The following PARP16 variants were observed in gnomAD, a reference collection of about 807,000 sequenced individuals.
The protein encoded by PARP16 is protein mono-ADP-ribosyltransferase PARP16.
Under a neutral mutation model 35.0 loss-of-function variants are expected in PARP16, and 31 were observed. The observed-to-expected ratio is 0.88, with a 90% CI of 0.66 to 1.19. The LOEUF (loss-of-function observed/expected upper bound fraction) is 1.19. Among genes scored for constraint, PARP16 ranks in the 50% most tolerant of loss-of-function variants. The pLI is 0.00. For missense variants in PARP16, 424 were observed against 411.2 expected (o/e 1.03, Z -0.27); for synonymous variants, 162 against 169.5 (o/e 0.96, Z 0.34).
chr15:65,246,419 T>G (rs991635168), intron 3 of PARP16, among the ~76,000 whole-genome samples: 2 of 152,130 alleles, frequency 1.3e-5, no homozygotes, highest in African/African-American at 4.8e-5. Flanking sequence ...GCTCTATGAT[T>G]CTCAGCCACC....
intron 2 of PARP16, among the ~76,000 whole-genome samples, chr15:65,248,736 G>A (rs917562490): frequency 1.3e-5 from 2 of 152,168 alleles, no homozygotes; most frequent in African/African-American, 2.4e-5. Flanking sequence ...TCCTGTCTGC[G>A]GCCAGAGGGG....
rs528001714 is a variant in PARP16, at chr15:65,280,308, G to A, written c.174+5945C>T. 7.2e-5 allele frequency among the ~76,000 whole-genome samples: 11 copies of A among 151,882 alleles called. No individual in the cohort carries two copies. The South Asian group carries it at 1.9e-3, about 26-fold the overall frequency. On this transcript the variant is annotated intron_variant, in intron 1 of 5. Coordinates refer to ENST00000649807, the MANE Select transcript of PARP16 (RefSeq NM_001316943.2). ...AAAAATTAGCCAGGCTTAGTGGTAT[G>A]TGCGTGGAGTCCCAGCTACACGGGA...
chr15:65,235,308 C>G (rs1049269310), intron 3 of PARP16, among the ~76,000 whole-genome samples: 4 of 149,886 alleles, frequency 2.7e-5, no homozygotes, highest in African/African-American at 9.8e-5. Context: ...CTCCGTCCCC[C>G]CCAAAAAAAA....
At chr15:65,262,515 G>A (rs780972354) in intron 4 of PARP16, among the ~76,000 whole-genome samples, 3 of 152,198 alleles carry the variant, frequency 2.0e-5, no homozygotes, top group Non-Finnish European at 4.4e-5. Context: ...GGTGGGGGGA[G>A]ACAAGGCAAA....
At position 65,286,459 on chromosome 15, in the gene PARP16, G is replaced by T. The variant is rs1382350087; in HGVS notation, c.-33C>A. The T allele has an allele frequency of 2.8e-6, 4 of 1,430,822 alleles. No homozygotes were observed. The African/African-American group carries it at 4.5e-5, about 16-fold the overall frequency. 88.6% of individuals were successfully genotyped at this position (1,430,822 alleles called of 1,614,324 possible). On this transcript the variant is annotated 5_prime_UTR_variant, in exon 1 of 6. Coordinates refer to ENST00000649807, the MANE Select transcript of PARP16 (RefSeq NM_001316943.2). ...CACTGCGCGTTGCCGGGGTAGACGC[G>T]CTGGTTAGGGGCAAGGGCGAGCGTG...
chr15:65,256,698 C>T (rs747835554), downstream of PARP16, among the ~76,000 whole-genome samples: 10 of 152,208 alleles, frequency 6.6e-5, no homozygotes, highest in Non-Finnish European at 1.3e-4. Flanking sequence ...TGAGCCACCG[C>T]GCCCGGCCGC....
intron 2 of PARP16, among the ~76,000 whole-genome samples, chr15:65,269,652 G>C (rs2090031580): frequency 6.6e-6 from 1 of 152,186 alleles, no homozygotes; most frequent in Non-Finnish European, 1.5e-5. Context: ...TCATTCTGAA[G>C]TCAAGGCCAT....
At chr15:65,274,282 C>G (rs983162813) in intron 1 of PARP16, among the ~76,000 whole-genome samples, 10 of 150,598 alleles carry the variant, frequency 6.6e-5, no homozygotes, top group Admixed American at 1.3e-4. Context: ...TGTGTGAGCC[C>G]GGGCATGGTG....
In PARP16 at chr15:65,286,414, C is replaced by T. The variant is rs1208711885; in HGVS notation, c.13G>A (p.Gly5Ser). Residue 5 changes from glycine (G) to serine (S), a missense_variant, in exon 1 of 6, where the codon GGC becomes AGC. Coordinates refer to ENST00000649807, the MANE Select transcript of PARP16 (RefSeq NM_001316943.2). MQPS[G>S]WAAAREAAGR... ...GCCGCCTCCCTGGCGGCCGCCCAGC[C>T]TGAGGGCTGCATCCCAGGTCACTGC... 2 of 1,532,332 alleles carry T rather than the reference C, an allele frequency of 1.3e-6. No homozygotes were observed. The highest frequency in any genetic ancestry group is 2.5e-5 in the East Asian group (1 of 40,066). 94.9% of individuals were successfully genotyped at this position (1,532,332 alleles called of 1,614,324 possible).
chr15:65,273,177 C>G (rs910352804), intron 1 of PARP16, among the ~76,000 whole-genome samples: 2 of 147,374 alleles, frequency 1.4e-5, no homozygotes, highest in African/African-American at 5.0e-5. Flanking sequence ...ACTCGGGAGG[C>G]CAAGGTAAAA....
Position 65,259,494 on chromosome 15 carries a change from C to G in PARP16, c.882G>C (p.Met294Ile). The G allele has an allele frequency of 6.2e-7, 1 of 1,613,830 alleles. No individual in the cohort carries two copies. Among genetic ancestry groups the G allele is most frequent in the Non-Finnish European group, 8.5e-7 (1 of 1,179,698 alleles). ...GCAGCAGCAGCAGATACAGGGATAT[C>G]ATGACGGTAAACCAATGGCTGGAAA... ...SWFSSHWFTV[M>I]ISLYLLLLLI... is the part of the protein sequence containing the mutation. Residue 294 changes from methionine to isoleucine, a missense_variant, in exon 6 of 6, where the codon ATG becomes ATC. Met to Ile is a conservative substitution (Grantham distance 10, BLOSUM62 1). Transcript: ENST00000649807.
intron 1 of PARP16, among the ~76,000 whole-genome samples, chr15:65,282,857 C>T (rs1192194258): frequency 6.6e-6 from 1 of 152,124 alleles, no homozygotes; most frequent in African/African-American, 2.4e-5. Context: ...CCAAACAGAG[C>T]AATTGATACC....
chr15:65,237,857 T>C (rs957020862), intron 3 of PARP16, among the ~76,000 whole-genome samples: 6 of 152,214 alleles, frequency 3.9e-5, no homozygotes, highest in African/African-American at 1.4e-4. Context: ...TGCTCCTTCC[T>C]GATGAGCTGT....
At position 65,259,405 on chromosome 15, in the gene PARP16, G is replaced by T. The variant is rs1237382876; in HGVS notation, c.*2C>A. The T allele has an allele frequency of 6.2e-7, 1 of 1,614,038 alleles. No individual in the cohort carries two copies. Among genetic ancestry groups the T allele is most frequent in the Non-Finnish European group, 8.5e-7 (1 of 1,179,990 alleles). On this transcript the variant is annotated 3_prime_UTR_variant, in exon 6 of 6. Transcript: ENST00000649807. Reference sequence around the variant, plus strand: ...GTAGCCCCCACACCAGGCCCAGAAAGATTATCTTTTCGCACGATTCCAAAA... The same window carrying T: ...GTAGCCCCCACACCAGGCCCAGAAATATTATCTTTTCGCACGATTCCAAAA...
chr15:65,275,359 G>C (rs569461021), intron 1 of PARP16, among the ~76,000 whole-genome samples: 1 of 152,204 alleles, frequency 6.6e-6, no homozygotes, highest in African/African-American at 2.4e-5. Context: ...GGCATCTGGG[G>C]CTCTATTCCT....
chr15:65,276,677 T>G (rs781606467), intron 1 of PARP16, among the ~76,000 whole-genome samples: 1 of 152,196 alleles, frequency 6.6e-6, no homozygotes, highest in Non-Finnish European at 1.5e-5. Flanking sequence ...AACAAATTTT[T>G]TTTAGTATAA....
rs201444053 is a variant in PARP16, at chr15:65,286,454, G to A, written c.-28C>T. 330 of 1,442,476 alleles carry A rather than the reference G, an allele frequency of 2.3e-4. 3 individuals carry two copies. The East Asian group carries it at 8.0e-3, about 35-fold the overall frequency. 89.4% of individuals were successfully genotyped at this position (1,442,476 alleles called of 1,614,324 possible). A position where few individuals can be genotyped will look rare whatever the true frequency, so the allele number is the denominator to read the frequency against. Reference sequence around the variant, plus strand: ...CAGGTCACTGCGCGTTGCCGGGGTAGACGCGCTGGTTAGGGGCAAGGGCGA... The same window carrying A: ...CAGGTCACTGCGCGTTGCCGGGGTAAACGCGCTGGTTAGGGGCAAGGGCGA... On this transcript the variant is annotated 5_prime_UTR_variant, in exon 1 of 6. Transcript: ENST00000649807.
At chr15:65,285,140 G>GTT (rs759145300) in intron 1 of PARP16, among the ~76,000 whole-genome samples, 18 of 135,234 alleles carry the variant, frequency 1.3e-4, no homozygotes, top group Admixed American at 4.5e-4. Context: ...CACCCTCCAG[G>GTT]TTTTTTTTTT....
At chr15:65,267,658 A>G (rs2089947228) in intron 2 of PARP16, among the ~76,000 whole-genome samples, 1 of 124,696 alleles carries the variant, frequency 8.0e-6, no homozygotes, top group Non-Finnish European at 1.6e-5. Flanking sequence ...ATAAGTGGAG[A>G]TCACTTCTAA....
Sources: allele counts gnomAD v4.1 joint callset (sites outside exome capture counted in the v4.1 genomes callset), GRCh38; gene constraint gnomAD v4.1.1; transcripts MANE v1.5; gene names NCBI Gene and HGNC (gene_info 2026-07-23, HGNC 2026-07-21).